DSCAM: variants seen among roughly 807,000 people sequenced by gnomAD.
DSCAM encodes cell adhesion molecule DSCAM.
A neutral mutation model predicts 217.7 loss-of-function variants in DSCAM; 47 were observed. The observed-to-expected ratio is 0.22, with a 90% CI of 0.17 to 0.28. The LOEUF (loss-of-function observed/expected upper bound fraction) is 0.28, where lower values mean the gene tolerates loss of function less well. Ranked by LOEUF, DSCAM falls within the 10% of genes least tolerant of loss-of-function variation. The pLI is 1.00. For synonymous variants in DSCAM, 1,056 were observed against 1,015.3 expected, an observed-to-expected ratio of 1.04 and a Z score of -0.76; for missense variants, 2,080 against 2,618.3, an observed-to-expected ratio of 0.79 and a Z score of 4.49.
chr21:40,084,827 A>G (rs1424252670), intron 23 of DSCAM, among the ~76,000 whole-genome samples: 1 of 152,104 alleles, frequency 6.6e-6, no homozygotes, highest in Non-Finnish European at 1.5e-5. Flanking sequence ...CCTGACTTCA[A>G]TTAATTTGAA....
At chr21:40,785,384 T>C (rs1345821828) in intron 1 of DSCAM, among the ~76,000 whole-genome samples, 1 of 152,230 alleles carries the variant, frequency 6.6e-6, no homozygotes, top group Admixed American at 6.5e-5. Flanking sequence ...ATTACTCTGA[T>C]GGAAAACTGC....
chr21:40,838,094 G>A (rs1449280648), intron 1 of DSCAM, among the ~76,000 whole-genome samples: 3 of 152,026 alleles, frequency 2.0e-5, no homozygotes, highest in Non-Finnish European at 4.4e-5. Flanking sequence ...TTATTATATA[G>A]GAAATATAGC....
chr21:40,251,594 T>C (rs1356282317), intron 11 of DSCAM, among the ~76,000 whole-genome samples: 1 of 152,142 alleles, frequency 6.6e-6, no homozygotes, highest in Non-Finnish European at 1.5e-5. Context: ...GTACTTTTTG[T>C]TGGGAGCTGA....
rs575732255 is a variant in DSCAM, at chr21:40,431,496, C to T, written c.509-62251G>A. 5.9e-5 allele frequency among the ~76,000 whole-genome samples: 9 copies of T among 152,120 alleles called. No individual in the cohort carries two copies. The South Asian group carries it at 1.0e-3, about 18-fold the overall frequency. ...CTACTCAATGTGAAGACGATGAAGA[C>T]GGAGACCTTTATGACTCCTCAGCCT... On this transcript the variant is annotated intron_variant, in intron 3 of 32. Coordinates refer to ENST00000400454, the MANE Select transcript of DSCAM (RefSeq NM_001389.5).
At chr21:40,412,637 G>A (rs1474128405) in intron 3 of DSCAM, among the ~76,000 whole-genome samples, 1 of 152,186 alleles carries the variant, frequency 6.6e-6, no homozygotes, top group Non-Finnish European at 1.5e-5. Flanking sequence ...ATGTGACTAG[G>A]GTGCTGTTAA....
intron 3 of DSCAM, among the ~76,000 whole-genome samples, chr21:40,522,342 A>C (rs957777819): frequency 2.0e-5 from 3 of 152,232 alleles, no homozygotes; most frequent in African/African-American, 7.2e-5. Flanking sequence ...ATAATAGCAA[A>C]GCAATTCGTT....
Position 40,556,597 on chromosome 21 carries a change from T to C in DSCAM, c.508+136213A>G, listed in dbSNP as rs529058509. ...GAAAACCCCAGACAGCTTCCACTCA[T>C]GGTGGAAGGCAAAGGGGAACCAACT... On this transcript the variant is annotated intron_variant, in intron 3 of 32. Coordinates refer to ENST00000400454, the MANE Select transcript of DSCAM (RefSeq NM_001389.5). 3.1e-4 allele frequency among the ~76,000 whole-genome samples: 47 copies of C among 152,152 alleles called. 1 individual carries two copies. The South Asian group carries it at 8.9e-3, about 29-fold the overall frequency.
At chr21:40,600,220 A>T (rs1291410837) in intron 3 of DSCAM, among the ~76,000 whole-genome samples, 1 of 152,210 alleles carries the variant, frequency 6.6e-6, no homozygotes, top group Non-Finnish European at 1.5e-5. Context: ...CTATAAGAAA[A>T]TACCATCAAC....
intron 17 of DSCAM, among the ~76,000 whole-genome samples, chr21:40,143,688 G>A (rs1601378853): frequency 6.6e-6 from 1 of 152,204 alleles, no homozygotes; most frequent in East Asian, 1.9e-4. Context: ...CTACTCGGGA[G>A]GCTGAGGCAG....
chr21:40,126,071 C>A (rs1308232996), intron 19 of DSCAM, among the ~76,000 whole-genome samples: 2 of 152,128 alleles, frequency 1.3e-5, no homozygotes, highest in Admixed American at 6.5e-5. Context: ...ATGGGTAGTA[C>A]TGTAAGTTAA....
rs185184144 is a variant in DSCAM, at chr21:40,704,603, C to T, written c.361+3851G>A. The stretch of plus-strand genomic sequence containing the variant: ...AGGTGTGGTGACTTATGCCTGTAGC[C>T]GCAGCTACTTGGGAGGCTGAGGGGA... On this transcript the variant is annotated intron_variant, in intron 2 of 32. Coordinates refer to ENST00000400454, the MANE Select transcript of DSCAM (RefSeq NM_001389.5). 9.9e-5 allele frequency among the ~76,000 whole-genome samples: 15 copies of T among 151,854 alleles called. No homozygotes were observed. In the East Asian group the frequency reaches 1.2e-3, roughly 12 times the overall value.
At chr21:40,508,783 A>ATATAT (rs1568863159) in intron 3 of DSCAM, among the ~76,000 whole-genome samples, 2 of 24,214 alleles carry the variant, frequency 8.3e-5, no homozygotes, top group Non-Finnish European at 1.4e-4. Flanking sequence ...ATATATATAT[A>ATATAT]TTTTTTTTTT....
intron 3 of DSCAM, among the ~76,000 whole-genome samples, chr21:40,451,632 A>G (rs1381288132): frequency 6.6e-6 from 1 of 152,050 alleles, no homozygotes; most frequent in Non-Finnish European, 1.5e-5. Flanking sequence ...AAGCACAACA[A>G]TGATAGTAAT....
intron 3 of DSCAM, among the ~76,000 whole-genome samples, chr21:40,585,347 G>C (rs2076937609): frequency 1.9e-5 from 1 of 53,804 alleles, no homozygotes; most frequent in Admixed American, 2.5e-4. Context: ...GTGAACCCGG[G>C]AGGCGGAGCT....
rs79642293 is a variant in DSCAM at position 40,828,484 on chromosome 21, C to G, written c.43+18135G>C. The stretch of plus-strand genomic sequence containing the variant: ...AAGGGCTTACCTGCTAGTTCTCCCC[C>G]ACCCATGAGCTGTCATGGATAAAGT... On this transcript the variant is annotated intron_variant, in intron 1 of 32. Transcript: ENST00000400454. Among the ~76,000 whole-genome samples, 443 of 152,132 alleles carry G rather than the reference C, an allele frequency of 2.9e-3. 4 individuals are homozygous for G. Among genetic ancestry groups the G allele is most frequent in the African/African-American group, 0.01 (421 of 41,496 alleles).
At chr21:40,758,987 C>T (rs1013297933) in intron 1 of DSCAM, among the ~76,000 whole-genome samples, 2 of 152,068 alleles carry the variant, frequency 1.3e-5, no homozygotes, top group African/African-American at 4.8e-5. Flanking sequence ...ATAAAGAACG[C>T]AAGTATGCTT....
intron 1 of DSCAM, among the ~76,000 whole-genome samples, chr21:40,756,704 T>C (rs910253773): frequency 1.3e-5 from 2 of 152,180 alleles, no homozygotes; most frequent in Non-Finnish European, 2.9e-5. Flanking sequence ...GGCATTTCTT[T>C]ATGGCAATGC....
intron 3 of DSCAM, among the ~76,000 whole-genome samples, chr21:40,597,405 A>C (rs1258877022): frequency 1.3e-5 from 2 of 150,402 alleles, no homozygotes; most frequent in African/African-American, 4.9e-5. Flanking sequence ...TAAGTATTTC[A>C]CAGAGTTTTA....
At chr21:40,636,327 T>C (rs1453672059) in intron 3 of DSCAM, among the ~76,000 whole-genome samples, 1 of 151,546 alleles carries the variant, frequency 6.6e-6, no homozygotes, top group Non-Finnish European at 1.5e-5. Flanking sequence ...TACATTTCCA[T>C]GATTTTCACC....
Sources: allele counts gnomAD v4.1 joint callset (sites outside exome capture counted in the v4.1 genomes callset), GRCh38; gene constraint gnomAD v4.1.1; transcripts MANE v1.5; gene names NCBI Gene and HGNC (gene_info 2026-07-23, HGNC 2026-07-21).